FREM1: variants seen among roughly 807,000 people sequenced by gnomAD.
FREM1 encodes FRAS1 related extracellular matrix 1, also known as FRAS1-related extracellular matrix protein 1.
FREM1 carries 220 observed loss-of-function variants against 210.1 expected under a neutral mutation model. The ratio of observed to expected loss-of-function variants is 1.05; its 90% CI spans 0.94 to 1.17. The LOEUF is 1.17. Ranked by LOEUF, FREM1 falls within the 50% of genes most tolerant of loss-of-function variation. The pLI, the probability that FREM1 is intolerant of heterozygous loss-of-function variation, is 0.00. For synonymous variants in FREM1, 1,189 were observed against 980.2 expected (o/e 1.21, Z -3.98); for missense variants, 3,454 against 2,675.5 (o/e 1.29, Z -6.42).
At chr9:14,792,111 G>A (rs1255983753) in intron 22 of FREM1, among the ~76,000 whole-genome samples, 2 of 152,126 alleles carry the variant, frequency 1.3e-5, no homozygotes, top group Non-Finnish European at 2.9e-5. Flanking sequence ...CCAAAGTGCT[G>A]GGATTCAGAT....
Position 14,801,863 on chromosome 9 carries a change from A to G in FREM1, c.3483T>C (p.Gly1161=). The G allele has an allele frequency of 6.2e-7, 1 of 1,609,678 alleles. No homozygotes were observed. The highest frequency in any genetic ancestry group is 8.5e-7 in the Non-Finnish European group (1 of 1,177,136). Residue 1161 remains glycine, a synonymous_variant, in exon 20 of 37, where the codon GGT becomes GGC. Transcript: ENST00000380880. ...FVVQNITVCE[G]QMKELDSSII... ...TGGAAGAGTCCAGCTCTTTCATCTG[A>G]CCCTCACACACCTGAGCAAGAACAC...
At chr9:14,897,355 C>G (rs1752247319) in intron 1 of FREM1, among the ~76,000 whole-genome samples, 2 of 152,070 alleles carry the variant, frequency 1.3e-5, no homozygotes, top group African/African-American at 4.8e-5. Context: ...GCTTGGGGAG[C>G]CCAGGTGCCT....
At chr9:14,848,284 A>C (rs185021577) in intron 7 of FREM1, among the ~76,000 whole-genome samples, 27 of 152,352 alleles carry the variant, frequency 1.8e-4, no homozygotes, top group African/African-American at 6.5e-4. Context: ...CCAACATAAA[A>C]ATAGACTATA....
intron 36 of FREM1, among the ~76,000 whole-genome samples, chr9:14,737,806 C>G (rs560159687): frequency 1.3e-5 from 2 of 152,252 alleles, no homozygotes; most frequent in African/African-American, 4.8e-5. Flanking sequence ...AGATGAGCAT[C>G]TTTGGGCAGG....
rs539357331 is a variant in FREM1 at position 14,860,896 on chromosome 9, T to C, written c.330-1412A>G. Reference sequence around the variant, plus strand: ...ATACGTATATATACACATATATACATATATACACATATACACATATACACA... The same window carrying C: ...ATACGTATATATACACATATATACACATATACACATATACACATATACACA... On this transcript the variant is annotated intron_variant, in intron 3 of 36. Coordinates refer to ENST00000380880, the MANE Select transcript of FREM1 (RefSeq NM_001379081.2). 6.8e-5 allele frequency among the ~76,000 whole-genome samples: 8 copies of C among 117,376 alleles called. 1 individual carries two copies. The highest frequency in any genetic ancestry group is 1.2e-4 in the Non-Finnish European group (8 of 65,068). 77.0% of individuals were successfully genotyped at this position (117,376 alleles called of 152,430 possible). A position where few individuals can be genotyped will look rare whatever the true frequency, so the allele number is the denominator to read the frequency against.
In FREM1 at chr9:14,816,840, C is replaced by G. The variant is rs1172846522; in HGVS notation, c.2578G>C (p.Asp860His). ...TCGGTGACCTCCAAGAGTAGGTCAT[C>G]CTGAAGAACTTCAGTTCCATCATGT... ...YQHDGTEVLQ[D>H]DLLLEVTDGT... Residue 860 changes from aspartate to histidine, a missense_variant, in exon 15 of 37, where the codon GAT becomes CAT. Physicochemically the swap from Asp to His is moderately conservative, Grantham distance 81 (BLOSUM62 -1). Transcript: ENST00000380880. 7.0e-7 allele frequency: 1 copy of G among 1,437,394 alleles called. No individual in the cohort carries two copies. Among genetic ancestry groups the G allele is most frequent in the South Asian group, 1.6e-5 (1 of 62,804 alleles). 89.0% of individuals were successfully genotyped at this position (1,437,394 alleles called of 1,614,324 possible).
At chr9:14,782,138 G>C (rs1192088170) in intron 24 of FREM1, among the ~76,000 whole-genome samples, 1 of 152,210 alleles carries the variant, frequency 6.6e-6, no homozygotes, top group Non-Finnish European at 1.5e-5. Context: ...CTGGGCCTGA[G>C]ACTGGACTTA....
rs1203708457 is a variant in FREM1, at chr9:14,806,705, A to G, written c.3230T>C (p.Leu1077Pro). The G allele has an allele frequency of 1.2e-6, 2 of 1,603,396 alleles. No homozygotes were observed. The highest frequency in any genetic ancestry group is 8.5e-7 in the Non-Finnish European group (1 of 1,174,650). Residue 1077 changes from leucine to proline, a missense_variant, in exon 18 of 37, where the codon CTC becomes CCC. Coordinates refer to ENST00000380880, the MANE Select transcript of FREM1 (RefSeq NM_001379081.2). ...GCTTTTTTCAAAACCCACAGAAGGGAGTATATTTTCGAGGTAGCCAAACTG... is the reference window on the plus strand; with the variant it reads ...GCTTTTTTCAAAACCCACAGAAGGGGGTATATTTTCGAGGTAGCCAAACTG... ...PPQFGYLENI[L>P]PSVGFEKSNI...
At chr9:14,811,306 T>C (rs1819362315) in intron 16 of FREM1, among the ~76,000 whole-genome samples, 1 of 152,224 alleles carries the variant, frequency 6.6e-6, no homozygotes, top group Non-Finnish European at 1.5e-5. Flanking sequence ...TTTAGAAATT[T>C]GTATACCTGT....
At chr9:14,891,344 T>C (rs879306188) in intron 1 of FREM1, among the ~76,000 whole-genome samples, 4 of 152,192 alleles carry the variant, frequency 2.6e-5, no homozygotes, top group Admixed American at 6.5e-5. Context: ...AGTGCTGGGA[T>C]TGTGAAGACA....
At position 14,766,761 on chromosome 9, in the gene FREM1, A is replaced by G. The variant is rs569087663; in HGVS notation, c.5204+2963T>C. 1.5e-4 allele frequency among the ~76,000 whole-genome samples: 23 copies of G among 152,244 alleles called. 1 individual carries two copies. The highest frequency in any genetic ancestry group is 5.2e-4 in the Admixed American group (8 of 15,286). On this transcript the variant is annotated intron_variant, in intron 27 of 36. Transcript: ENST00000380880. ...TTATCACAGAGGTTTCACCCCTTCA[A>G]ATATGGGGAATATGAATCTATTAAT...
In FREM1 at chr9:14,747,272, G is replaced by A; in HGVS notation, c.6001C>T (p.Pro2001Ser). 2 of 1,612,120 alleles carry A rather than the reference G, an allele frequency of 1.2e-6. No homozygotes were observed. The highest frequency in any genetic ancestry group is 1.7e-6 in the Non-Finnish European group (2 of 1,179,076). Residue 2001 changes from proline to serine, a missense_variant, in exon 33 of 37, where the codon CCC becomes TCC. Pro to Ser is a moderately conservative substitution (Grantham distance 74). Coordinates refer to ENST00000380880, the MANE Select transcript of FREM1 (RefSeq NM_001379081.2). ...AACAAAGATTTTCATACCTGTCTGGGGAAGTGTGAGTCAGTTGTGGATTCC... is the reference window on the plus strand; with the variant it reads ...AACAAAGATTTTCATACCTGTCTGGAGAAGTGTGAGTCAGTTGTGGATTCC... ...KVESTTDSHF[P>S]RQDQLPSFPK... is the part of the protein sequence containing the mutation.
At chr9:14,792,282 A>ACG (rs1162669675) in intron 22 of FREM1, among the ~76,000 whole-genome samples, 2 of 140,900 alleles carry the variant, frequency 1.4e-5, no homozygotes, top group Non-Finnish European at 3.2e-5. Flanking sequence ...GCACACACAC[A>ACG]CACACACACA....
At chr9:14,886,315 G>A (rs1168002838) in intron 1 of FREM1, among the ~76,000 whole-genome samples, 1 of 150,224 alleles carries the variant, frequency 6.7e-6, no homozygotes, top group East Asian at 2.0e-4. Flanking sequence ...GAACCCTGGA[G>A]GCGGAGGTTG....
intron 22 of FREM1, 103 bp downstream of exon 22, chr9:14,792,640 T>A (rs1370842100): frequency 2.3e-6 from 2 of 870,888 alleles, no homozygotes; most frequent in East Asian, 2.9e-5. Flanking sequence ...TCTAGGCAAA[T>A]ATATGTCTAT....
chr9:14,862,840 T>C (rs1242983622), intron 3 of FREM1, among the ~76,000 whole-genome samples: 1 of 152,222 alleles, frequency 6.6e-6, no homozygotes, highest in Non-Finnish European at 1.5e-5. Flanking sequence ...GGCTGAATGA[T>C]ATTCCATTCC....
At chr9:14,845,361 G>C (rs1351147293) in intron 8 of FREM1, among the ~76,000 whole-genome samples, 2 of 151,926 alleles carry the variant, frequency 1.3e-5, no homozygotes, top group Non-Finnish European at 2.9e-5. Context: ...CTGGAGTGCA[G>C]TGGCGTGATC....
chr9:14,893,967 C>G (rs1837287292), intron 1 of FREM1, among the ~76,000 whole-genome samples: 2 of 152,242 alleles, frequency 1.3e-5, no homozygotes, highest in South Asian at 4.2e-4. Flanking sequence ...GAGCACTGAT[C>G]TTCTCTTTCA....
At chr9:14,867,722 T>C (rs1459348550) in intron 2 of FREM1, among the ~76,000 whole-genome samples, 1 of 152,198 alleles carries the variant, frequency 6.6e-6, no homozygotes, top group East Asian at 1.9e-4. Context: ...GAAATAAAGT[T>C]CATAGTTCAG....
Sources: allele counts gnomAD v4.1 joint callset (sites outside exome capture counted in the v4.1 genomes callset), GRCh38; gene constraint gnomAD v4.1.1; transcripts MANE v1.5; gene names NCBI Gene and HGNC (gene_info 2026-07-23, HGNC 2026-07-21).